Variants in ADAMTSL1 observed in about 807,000 individuals in gnomAD.
ADAMTSL1 encodes the protein ADAMTS-like protein 1.
A neutral mutation model predicts 201.8 loss-of-function variants in ADAMTSL1; 126 were observed. The ratio of observed to expected loss-of-function variants is 0.62; its 90% CI spans 0.54 to 0.72. ADAMTSL1 has a LOEUF of 0.72. ADAMTSL1 is among the 30% of genes least tolerant of loss of function. ADAMTSL1 has a pLI of 0.00. For missense variants in ADAMTSL1, 2,679 were observed against 2,277.8 expected (o/e 1.18, Z -3.59); for synonymous variants, 1,121 against 903.4 (o/e 1.24, Z -4.32).
intron 2 of ADAMTSL1, among the ~76,000 whole-genome samples, chr9:18,383,588 A>G (rs1837653625): frequency 6.6e-6 from 1 of 152,122 alleles, no homozygotes; most frequent in African/African-American, 2.4e-5. Context: ...TGAGCAATGA[A>G]TAACAGATGT....
chr9:17,908,427 C>A (rs1190465311), intron 1 of ADAMTSL1, among the ~76,000 whole-genome samples: 1 of 151,972 alleles, frequency 6.6e-6, no homozygotes, highest in Non-Finnish European at 1.5e-5. Flanking sequence ...TGGGTTAAAA[C>A]CCAATGTGCA....
rs769163547 is a variant in ADAMTSL1, at chr9:18,795,489, G to A, written c.3770G>A (p.Gly1257Glu). ...FYTCNATNAL[G>E]YDSVSIAVTL... ...ACTTGCAATGCCACCAATGCCTTGG[G>A]ATACGACTCTGTCTCCATTGCCGTC... Residue 1257 changes from glycine to glutamate, a missense_variant, in exon 20 of 29, where the codon GGA becomes GAA. Coordinates refer to ENST00000380548, the MANE Select transcript of ADAMTSL1 (RefSeq NM_001040272.6). 1.9e-6 allele frequency: 3 copies of A among 1,613,550 alleles called. No individual in the cohort carries two copies. Among genetic ancestry groups the A allele is most frequent in the East Asian group, 2.2e-5 (1 of 44,882 alleles).
chr9:18,558,977 A>AG (rs749898305), intron 3 of ADAMTSL1, among the ~76,000 whole-genome samples: 34 of 152,130 alleles, frequency 2.2e-4, no homozygotes, highest in Non-Finnish European at 3.2e-4. Context: ...CCCTGATGAT[A>AG]GTTTATTTTG....
intron 2 of ADAMTSL1, among the ~76,000 whole-genome samples, chr9:18,528,570 G>T (rs1252668857): frequency 1.3e-5 from 2 of 152,154 alleles, no homozygotes; most frequent in African/African-American, 4.8e-5. Flanking sequence ...GTATTCCATG[G>T]TGTATATGGA....
At chr9:18,228,850 T>G (rs1246757288) in intron 2 of ADAMTSL1, among the ~76,000 whole-genome samples, 2 of 151,986 alleles carry the variant, frequency 1.3e-5, no homozygotes, top group Non-Finnish European at 2.9e-5. Flanking sequence ...TTGTTTTTTT[T>G]TTTTTTGTAG....
intron 3 of ADAMTSL1, among the ~76,000 whole-genome samples, chr9:18,560,605 C>T (rs1821420657): frequency 6.7e-6 from 1 of 150,066 alleles, no homozygotes; most frequent in Non-Finnish European, 1.5e-5. Context: ...CTCTTTGTAC[C>T]TCTGGTAGAA....
At chr9:18,114,072 T>C (rs1825145973) in intron 1 of ADAMTSL1, among the ~76,000 whole-genome samples, 1 of 151,992 alleles carries the variant, frequency 6.6e-6, no homozygotes, top group Admixed American at 6.6e-5. Flanking sequence ...AAGAAAAATA[T>C]GAGGAAAAGG....
At chr9:18,652,719 C>G (rs189374199) in intron 7 of ADAMTSL1, among the ~76,000 whole-genome samples, 2 of 152,168 alleles carry the variant, frequency 1.3e-5, no homozygotes, top group East Asian at 3.9e-4. Context: ...GTGTTAAATG[C>G]ATTTTCAACT....
intron 9 of ADAMTSL1, among the ~76,000 whole-genome samples, chr9:18,670,199 G>C (rs1401206407): frequency 1.3e-5 from 2 of 152,046 alleles, no homozygotes; most frequent in Non-Finnish European, 2.9e-5. Context: ...TCTGTGCTTG[G>C]TGCCATGGCA....
At chr9:18,219,267 A>G (rs1049802159) in intron 2 of ADAMTSL1, among the ~76,000 whole-genome samples, 1 of 151,822 alleles carries the variant, frequency 6.6e-6, no homozygotes, top group African/African-American at 2.4e-5. Flanking sequence ...TGGGCCTTAT[A>G]GATTATACGG....
At chr9:18,888,572 C>T (rs2131543769) in intron 24 of ADAMTSL1, among the ~76,000 whole-genome samples, 1 of 152,326 alleles carries the variant, frequency 6.6e-6, no homozygotes, top group South Asian at 2.1e-4. Context: ...ATTAACCTTC[C>T]AGGAAAACAG....
chr9:18,637,111 T>C (rs1564107167), intron 6 of ADAMTSL1, among the ~76,000 whole-genome samples: 2 of 152,234 alleles, frequency 1.3e-5, no homozygotes, highest in South Asian at 2.1e-4. Flanking sequence ...AAAGGCCTTG[T>C]GAAGTAAAAG....
intron 1 of ADAMTSL1, among the ~76,000 whole-genome samples, chr9:18,488,929 G>A (rs1822130636): frequency 6.6e-6 from 1 of 152,166 alleles, no homozygotes; most frequent in Non-Finnish European, 1.5e-5. Context: ...ACAGAATAAA[G>A]ATAAAAGTTG....
At chr9:17,967,839 C>T (rs941263308) in intron 1 of ADAMTSL1, among the ~76,000 whole-genome samples, 7 of 152,040 alleles carry the variant, frequency 4.6e-5, no homozygotes, top group Non-Finnish European at 1.5e-5. Context: ...TTCTAGTTTT[C>T]CTCCTTTTGT....
At position 18,908,626 on chromosome 9, in the gene ADAMTSL1, C is replaced by A; in HGVS notation, c.*78C>A. The A allele has an allele frequency of 8.5e-7, 1 of 1,176,768 alleles. No individual in the cohort carries two copies. Among genetic ancestry groups the A allele is most frequent in the Non-Finnish European group, 1.2e-6 (1 of 835,168 alleles). 72.9% of individuals were successfully genotyped at this position (1,176,768 alleles called of 1,614,324 possible). On this transcript the variant is annotated 3_prime_UTR_variant, in exon 29 of 29. Coordinates refer to ENST00000380548, the MANE Select transcript of ADAMTSL1 (RefSeq NM_001040272.6). ...CCACCTCGGACAGAACCTAAGCTTT[C>A]TTCATTTTATTTATTTATTTCCCCC...
intron 16 of ADAMTSL1, among the ~76,000 whole-genome samples, chr9:18,759,754 C>T (rs576608812): frequency 6.6e-6 from 1 of 152,288 alleles, no homozygotes; most frequent in East Asian, 1.9e-4. Flanking sequence ...TTGCTTCACA[C>T]CATAACAAGA....
At chr9:18,107,096 TA>T (rs1382451377) in intron 1 of ADAMTSL1, among the ~76,000 whole-genome samples, 1 of 152,210 alleles carries the variant, frequency 6.6e-6, no homozygotes, top group Non-Finnish European at 1.5e-5. Flanking sequence ...TTATATCTGT[TA>T]TTAAGTCTAT....
chr9:18,488,920 CAG>C (rs1822129969), intron 1 of ADAMTSL1, among the ~76,000 whole-genome samples: 1 of 152,100 alleles, frequency 6.6e-6, no homozygotes, highest in Admixed American at 6.5e-5. Flanking sequence ...AAGTCTAAGA[CAG>C]AATAAAGATA....
In ADAMTSL1 at chr9:17,969,214, T is replaced by G. The variant is rs920869643; in HGVS notation, c.87+62292T>G. ...TGTTTACTAGATTGCCAGTTAAAAA[T>G]CTAATTTCTCTCTGCTATTGGAATG... is the stretch of plus-strand genomic sequence containing the variant. On this transcript the variant is annotated intron_variant, in intron 1 of 29. Coordinates refer to the ADAMTSL1 transcript ENST00000680146. Among the ~76,000 whole-genome samples the G allele has an allele frequency of 4.6e-5, 7 of 151,300 alleles. No individual in the cohort carries two copies. In the East Asian group the frequency reaches 1.2e-3, roughly 25 times the overall value.
Sources: allele counts gnomAD v4.1 joint callset (sites outside exome capture counted in the v4.1 genomes callset), GRCh38; gene constraint gnomAD v4.1.1; transcripts MANE v1.5; gene names NCBI Gene and HGNC (gene_info 2026-07-23, HGNC 2026-07-21).